SPON2: variants seen among roughly 807,000 people sequenced by gnomAD.
SPON2 encodes the protein spondin 2.
A neutral mutation model predicts 29.9 loss-of-function variants in SPON2; 32 were observed. The observed-to-expected ratio is 1.07, with a 90% CI of 0.81 to 1.44. SPON2 has a LOEUF of 1.44. Ranked by LOEUF, SPON2 falls within the 40% of genes most tolerant of loss-of-function variation. SPON2 has a pLI of 0.00. For synonymous variants in SPON2, 248 were observed against 209.1 expected, an observed-to-expected ratio of 1.19 and a Z score of -1.61; for missense variants, 541 against 455.5, an observed-to-expected ratio of 1.19 and a Z score of -1.71.
At chr4:1,200,262 C>T (rs1324301755) in intron 1 of SPON2, among the ~76,000 whole-genome samples, 1 of 151,964 alleles carries the variant, frequency 6.6e-6, no homozygotes, top group Non-Finnish European at 1.5e-5. Flanking sequence ...ACCCCTCACT[C>T]AACACCCCCA....
At chr4:1,201,615 C>T (rs1728207618) in intron 1 of SPON2, among the ~76,000 whole-genome samples, 1 of 151,664 alleles carries the variant, frequency 6.6e-6, no homozygotes, top group Admixed American at 6.6e-5. Flanking sequence ...CAGAGTCTTG[C>T]TCTGTCACCC....
At chr4:1,170,369 C>T (rs1281499692) in intron 5 of SPON2, 33 bp downstream of exon 5, 1 of 1,596,064 alleles carries the variant, frequency 6.3e-7, no homozygotes, top group Non-Finnish European at 8.5e-7. Context: ...TTCGGGGCTG[C>T]TGTGTGTCCC....
chr4:1,167,477 C>A lies in SPON2; in HGVS notation c.991G>T (p.Val331Phe), dbSNP rs1230125917. 1 of 1,612,772 alleles carries A rather than the reference C, an allele frequency of 6.2e-7. No homozygotes were observed. Among genetic ancestry groups the A allele is most frequent in the Non-Finnish European group, 8.5e-7 (1 of 1,179,516 alleles). Reference sequence around the variant, plus strand: ...GGGGCTGCGGGGCTCTGGTCTTAGACGCAGTTATCAGGGACGCACTCAGCC... The same window carrying A: ...GGGGCTGCGGGGCTCTGGTCTTAGAAGCAGTTATCAGGGACGCACTCAGCC... ...EEAECVPDNC[V>F] The change falls in exon 6 of 6, where the codon GTC becomes TTC. Residue 331 changes from valine (V) to phenylalanine (F), a missense_variant. Transcript: ENST00000290902.
intron 1 of SPON2, among the ~76,000 whole-genome samples, chr4:1,179,990 G>A (rs1055192795): frequency 1.3e-5 from 2 of 152,064 alleles, no homozygotes; most frequent in Non-Finnish European, 2.9e-5. Flanking sequence ...AAAAAAAAAG[G>A]AAAATCTGGG....
At position 1,167,744 on chromosome 4, in the gene SPON2, A is replaced by G. The variant is rs568081265; in HGVS notation, c.812-88T>C. The G allele has an allele frequency of 2.6e-4, 368 of 1,423,138 alleles. 1 individual carries two copies. The highest frequency in any genetic ancestry group is 4.1e-4 in the African/African-American group (29 of 70,308). The allele number at this position is 1,423,138 out of a possible 1,614,324, so 88.2% of individuals were successfully genotyped here. A position where few individuals can be genotyped will look rare whatever the true frequency, so the allele number is the denominator to read the frequency against. ...GAAGCCACCTCCCACCAACGTGTGCATTCATCAGAGGCCACGCCCACCCTT... is the reference window on the plus strand; with the variant it reads ...GAAGCCACCTCCCACCAACGTGTGCGTTCATCAGAGGCCACGCCCACCCTT... On this transcript the variant is annotated intron_variant, in intron 5 of 5. Coordinates refer to ENST00000290902, the MANE Select transcript of SPON2 (RefSeq NM_012445.4).
intron 1 of SPON2, among the ~76,000 whole-genome samples, chr4:1,191,310 C>T (rs1727910435): frequency 6.6e-6 from 1 of 152,144 alleles, no homozygotes; most frequent in African/African-American, 2.4e-5. Context: ...TAAACCCCTA[C>T]TTTTATGGTG....
intron 1 of SPON2, chr4:1,205,003 C>G (rs533490391): frequency 1.3e-5 from 2 of 152,388 alleles, no homozygotes; most frequent in East Asian, 3.9e-4. Flanking sequence ...AATCAGTTTT[C>G]CGGGTCTATG....
upstream of SPON2, among the ~76,000 whole-genome samples, chr4:1,198,354 C>A (rs6599290): frequency 6.6e-6 from 1 of 151,960 alleles, no homozygotes; most frequent in Non-Finnish European, 1.5e-5. Flanking sequence ...CCGCAGCTGA[C>A]GATGACCTCA....
At chr4:1,206,012 G>A (rs977399771) in intron 1 of SPON2, among the ~76,000 whole-genome samples, 2 of 152,004 alleles carry the variant, frequency 1.3e-5, no homozygotes, top group Admixed American at 1.3e-4. Flanking sequence ...CAGGGAGTGG[G>A]GGGTTGGGGG....
rs1290157931 is a variant in SPON2 at position 1,202,636 on chromosome 4, G to C, written c.-234+5244C>G. Among the ~76,000 whole-genome samples the C allele has an allele frequency of 6.6e-6, 1 of 151,924 alleles. No homozygotes were observed. Among genetic ancestry groups the C allele is most frequent in the Non-Finnish European group, 1.5e-5 (1 of 67,970 alleles). ...CCTGCCGCTCTCCCAGGCTGTGCTT[G>C]CTCGCTGGTGGCCCTGCAGTCCTGG... On this transcript the variant is annotated intron_variant, in intron 1 of 3. Transcript: ENST00000509233. This position sits in a 1 kb window ranked among gnomAD's most constrained non-coding sequence, Gnocchi z 5.4.
At chr4:1,203,671 C>A (rs1372982760) in intron 1 of SPON2, among the ~76,000 whole-genome samples, 2 of 152,148 alleles carry the variant, frequency 1.3e-5, no homozygotes, top group Non-Finnish European at 2.9e-5. Flanking sequence ...CTTTGAAGAA[C>A]AGAACAGCCG....
At chr4:1,173,772 T>A (rs771850382), upstream of SPON2, among the ~76,000 whole-genome samples, 3 of 152,174 alleles carry the variant, frequency 2.0e-5, no homozygotes, top group African/African-American at 7.2e-5. Context: ...ACAAATGATC[T>A]AACCTGTATT....
At chr4:1,169,971 G>A (rs1727368362) in intron 5 of SPON2, 1 of 182,556 alleles carries the variant, frequency 5.5e-6, no homozygotes, top group Non-Finnish European at 1.1e-5. Flanking sequence ...CCAGGCCAAG[G>A]CGCCTGTGAG....
chr4:1,189,038 G>A (rs1300343604), intron 1 of SPON2, among the ~76,000 whole-genome samples: 1 of 151,924 alleles, frequency 6.6e-6, no homozygotes, highest in East Asian at 1.9e-4. Context: ...AAGAAATTTG[G>A]GTAATTAAAA....
At chr4:1,189,817 T>C (rs1002682410) in intron 1 of SPON2, among the ~76,000 whole-genome samples, 13 of 149,658 alleles carry the variant, frequency 8.7e-5, no homozygotes, top group African/African-American at 3.2e-4. Flanking sequence ...TGAAACCCCG[T>C]TTCTACTAAA....
chr4:1,168,756 G>A (rs1727327312), intron 5 of SPON2, among the ~76,000 whole-genome samples: 1 of 152,202 alleles, frequency 6.6e-6, no homozygotes, highest in South Asian at 2.1e-4. Flanking sequence ...CTACAGCGAG[G>A]GCCCCACCAC....
upstream of SPON2, chr4:1,173,348 G>C (rs1056554329): frequency 6.5e-5 from 10 of 154,308 alleles, no homozygotes; most frequent in African/African-American, 1.9e-4. Context: ...AGTGGGCTGA[G>C]GGTCTGGGGT....
Position 1,167,657 on chromosome 4 carries a change from C to T in SPON2, c.812-1G>A, listed in dbSNP as rs1054529499. The T allele has an allele frequency of 3.8e-6, 6 of 1,596,458 alleles. No individual in the cohort carries two copies. The highest frequency in any genetic ancestry group is 5.1e-6 in the Non-Finnish European group (6 of 1,169,806). On this transcript the variant is annotated splice_acceptor_variant, in intron 5 of 5. Coordinates refer to ENST00000290902, the MANE Select transcript of SPON2 (RefSeq NM_012445.4). LOFTEE classifies it high-confidence loss of function. Reference sequence around the variant, plus strand: ...TCGCAGTCCAGCGGCGTTTCTGGAACTGGACCAAGCAAAGGGGAGACCGAG... The same window carrying T: ...TCGCAGTCCAGCGGCGTTTCTGGAATTGGACCAAGCAAAGGGGAGACCGAG...
intron 2 of SPON2, chr4:1,179,380 C>T (rs1384905066): frequency 5.3e-5 from 8 of 150,554 alleles, no homozygotes; most frequent in African/African-American, 1.9e-4. Context: ...TGTTTTTTCT[C>T]CTCTGTGCAA....
Sources: gnomAD v4.1 joint callset for allele counts (sites outside exome capture counted in the v4.1 genomes callset) on GRCh38, gnomAD v4.1.1 for gene constraint, Gnocchi (gnomAD v3.1) non-coding constraint, MANE v1.5 for transcripts, NCBI Gene and HGNC (gene_info 2026-07-23, HGNC 2026-07-21) for gene names.